Variants in TIMM22 observed in about 807,000 individuals in gnomAD.
The protein encoded by TIMM22 is translocase of inner mitochondrial membrane 22, also known as mitochondrial import inner membrane translocase subunit Tim22.
A neutral mutation model predicts 18.3 loss-of-function variants in TIMM22; 12 were observed. The observed-to-expected ratio is 0.65, with a 90% CI of 0.42 to 1.06. The LOEUF (loss-of-function observed/expected upper bound fraction) is 1.06. Among genes scored for constraint, TIMM22 ranks in the 50% least tolerant of loss-of-function variants. The pLI is 0.00. For synonymous variants in TIMM22, 107 were observed against 98.5 expected (o/e 1.09, Z -0.51); for missense variants, 278 against 252.8 (o/e 1.10, Z -0.68).
intron 1 of TIMM22, among the ~76,000 whole-genome samples, chr17:997,984 G>A (rs780810069): frequency 5.3e-5 from 8 of 152,238 alleles, no homozygotes; most frequent in Non-Finnish European, 1.2e-4. Flanking sequence ...ATGTGGAGAA[G>A]AATGTTGAGC....
At position 997,220 on chromosome 17, in the gene TIMM22, C is replaced by T. The variant is rs910760127; in HGVS notation, c.78C>T (p.Ser26=). ...AGSAEAPLQY[S]LLLQYLVGDK... is the part of the protein sequence containing the mutation. ...CCGCCGAAGCTCCGCTGCAGTACAG[C>T]CTGCTCCTGCAGTACCTGGTGGGTG... Residue 26 remains serine (S), a synonymous_variant, in exon 1 of 4, where the codon AGC becomes AGT. Transcript: ENST00000327158. 6.2e-7 allele frequency: 1 copy of T among 1,613,136 alleles called. No homozygotes were observed.
In TIMM22 at chr17:1,002,617, TTCA is replaced by T. The variant is rs1282582050; in HGVS notation, c.*1533_*1535del. On this transcript the variant is annotated 3_prime_UTR_variant, in exon 4 of 4. Transcript: ENST00000327158. ...CCTCCCAGTCTCACAGCTAGGAGGC[TTCA>T]TCACTGCTAGGCCAGTTGGAGCGTT... 6.6e-6 allele frequency: 1 copy of T among 152,234 alleles called. No homozygotes were observed. The highest frequency in any genetic ancestry group is 1.5e-5 in the Non-Finnish European group (1 of 68,042). The allele number at this position is 152,234 out of a possible 1,614,324, so 9.4% of individuals were successfully genotyped here.
intron 2 of TIMM22, 115 bp downstream of exon 2, chr17:999,090 G>A: frequency 9.3e-7 from 1 of 1,074,586 alleles, no homozygotes; most frequent in Non-Finnish European, 1.3e-6. Flanking sequence ...CAAATCAGAA[G>A]CATCAGATAC....
Position 997,175 on chromosome 17 carries a change from G to A in TIMM22, c.33G>A (p.Ser11=). 2 of 1,610,740 alleles carry A rather than the reference G, an allele frequency of 1.2e-6. No individual in the cohort carries two copies. Among genetic ancestry groups the A allele is most frequent in the South Asian group, 1.1e-5 (1 of 90,974 alleles). MAAAAPNAGG[S]APETAGSAEA... is the part of the protein sequence containing the mutation. ...CGGCCGCCCCCAATGCCGGAGGCTC[G>A]GCCCCTGAGACAGCGGGTTCCGCCG... is the stretch of plus-strand genomic sequence containing the variant. The change falls in exon 1 of 4, where the codon TCG becomes TCA. Residue 11 remains serine (S), a synonymous_variant. Transcript: ENST00000327158.
At position 999,778 on chromosome 17, in the gene TIMM22, A is replaced by G. The variant is rs534989174; in HGVS notation, c.508+194A>G. Among the ~76,000 whole-genome samples the G allele has an allele frequency of 3.3e-5, 5 of 152,244 alleles. No individual in the cohort carries two copies. The South Asian group carries it at 6.2e-4, about 19-fold the overall frequency. ...ATGAGGGTTTCCCATCGTTGGCACTACTGACATTTCGACCAGACGAATCTT... is the reference window on the plus strand; with the variant it reads ...ATGAGGGTTTCCCATCGTTGGCACTGCTGACATTTCGACCAGACGAATCTT... On this transcript the variant is annotated intron_variant, in intron 3 of 3. Transcript: ENST00000327158.
chr17:998,349 A>T (rs2069705880), intron 1 of TIMM22, among the ~76,000 whole-genome samples: 1 of 152,164 alleles, frequency 6.6e-6, no homozygotes, highest in African/African-American at 2.4e-5. Context: ...TAGAAAGGAG[A>T]GGCTAATAGC....
At position 997,365 on chromosome 17, in the gene TIMM22, C is replaced by G; in HGVS notation, c.223C>G (p.Leu75Val). Residue 75 changes from leucine to valine, a missense_variant, in exon 1 of 4, where the codon CTG becomes GTG. Coordinates refer to ENST00000327158, the MANE Select transcript of TIMM22 (RefSeq NM_013337.4). ...GGAAAGCTGCGCTTTCAAGGCTGCG[C>G]TGGCCTGCGTGGGAGGTGAGGCCGG... ...AMESCAFKAA[L>V]ACVGGFVLGG... 1 of 1,613,136 alleles carries G rather than the reference C, an allele frequency of 6.2e-7. No homozygotes were observed. Among genetic ancestry groups the G allele is most frequent in the Non-Finnish European group, 8.5e-7 (1 of 1,179,640 alleles).
In TIMM22 at chr17:997,368, G is replaced by T; in HGVS notation, c.226G>T (p.Ala76Ser). The change falls in exon 1 of 4, where the codon GCC (alanine) becomes TCC (serine). Residue 76 changes from alanine to serine, a missense_variant. By Grantham distance (99) the Ala-to-Ser change is moderately conservative. Transcript: ENST00000327158. ...MESCAFKAAL[A>S]CVGGFVLGGA... ...AAGCTGCGCTTTCAAGGCTGCGCTGGCCTGCGTGGGAGGTGAGGCCGGGCG... is the reference window on the plus strand; with the variant it reads ...AAGCTGCGCTTTCAAGGCTGCGCTGTCCTGCGTGGGAGGTGAGGCCGGGCG... 1 of 1,612,912 alleles carries T rather than the reference G, an allele frequency of 6.2e-7. No individual in the cohort carries two copies. Among genetic ancestry groups the T allele is most frequent in the Non-Finnish European group, 8.5e-7 (1 of 1,179,506 alleles).
Position 997,410 on chromosome 17 carries a change from G to T in TIMM22, c.238+30G>T, listed in dbSNP as rs185414080. The T allele has an allele frequency of 7.1e-4, 1,137 of 1,602,216 alleles. 8 individuals carry two copies. In the African/African-American group the frequency reaches 0.014, roughly 19 times the overall value. On this transcript the variant is annotated intron_variant, in intron 1 of 3. Transcript: ENST00000327158. ...GGCCGGGCGATGGGACCCTTGGGAG[G>T]CTGAGGGCCTGGACGGCAGTGGGGA...
chr17:999,350 T>G (rs192513576), intron 2 of TIMM22, among the ~76,000 whole-genome samples, 162 bp from the exon 3 acceptor site: 7 of 126,728 alleles, frequency 5.5e-5, no homozygotes, highest in South Asian at 2.4e-4. Flanking sequence ...TATATATATA[T>G]ATATATATAC....
In TIMM22 at chr17:997,136, G is replaced by C. The variant is rs543217051; in HGVS notation, c.-7G>C. 9 of 1,608,154 alleles carry C rather than the reference G, an allele frequency of 5.6e-6. No homozygotes were observed. In the East Asian group the frequency reaches 1.6e-4, roughly 28 times the overall value. On this transcript the variant is annotated 5_prime_UTR_variant, in exon 1 of 4. Transcript: ENST00000327158. The stretch of plus-strand genomic sequence containing the variant: ...AGGACGCGAGGGTTGCTTGGGCAGC[G>C]ACTGTCATGGCGGCGGCCGCCCCCA...
intron 2 of TIMM22, among the ~76,000 whole-genome samples, 154 bp from the exon 3 acceptor site, chr17:999,358 T>TATATATATATATATACATACAC (rs1408779709): frequency 3.8e-5 from 5 of 132,604 alleles, no homozygotes; most frequent in Admixed American, 1.5e-4. Flanking sequence ...TATATATATA[T>TATATATATATATATACATACAC]ACACGCTGTA....
intron 3 of TIMM22, among the ~76,000 whole-genome samples, chr17:1,000,232 A>C (rs1203521784): frequency 6.6e-6 from 1 of 152,018 alleles, no homozygotes; most frequent in East Asian, 1.9e-4. Context: ...TTTTAGATAT[A>C]AATTATAATG....
rs1307854902 is a variant in TIMM22, at chr17:1,003,533, A to G, written c.*2445A>G. ...CACCACAGGGCTGAGTTTTGTGCAAATGATGGGGCTTTGCATTTTTTATTA... is the reference window on the plus strand; with the variant it reads ...CACCACAGGGCTGAGTTTTGTGCAAGTGATGGGGCTTTGCATTTTTTATTA... On this transcript the variant is annotated 3_prime_UTR_variant, in exon 4 of 4. Coordinates refer to ENST00000327158, the MANE Select transcript of TIMM22 (RefSeq NM_013337.4). The G allele has an allele frequency of 1.3e-5, 2 of 152,658 alleles. No homozygotes were observed. Among genetic ancestry groups the G allele is most frequent in the Non-Finnish European group, 2.9e-5 (2 of 68,044 alleles). 9.5% of individuals were successfully genotyped at this position (152,658 alleles called of 1,614,324 possible).
intron 1 of TIMM22, among the ~76,000 whole-genome samples, chr17:998,090 AT>A (rs1399553625): frequency 6.6e-6 from 1 of 152,232 alleles, no homozygotes; most frequent in Non-Finnish European, 1.5e-5. Context: ...CTGAAAGACC[AT>A]TGTGACTAGA....
intron 3 of TIMM22, among the ~76,000 whole-genome samples, 166 bp from the exon 4 acceptor site, chr17:1,000,846 A>G (rs1386534913): frequency 2.0e-5 from 3 of 152,240 alleles, no homozygotes; most frequent in Non-Finnish European, 4.4e-5. Flanking sequence ...GCACTGGATT[A>G]GATCATATAC....
chr17:999,824 T>C (rs2069725018), intron 3 of TIMM22, among the ~76,000 whole-genome samples: 1 of 152,186 alleles, frequency 6.6e-6, no homozygotes, highest in Admixed American at 6.5e-5. Flanking sequence ...GGGTCTGTTT[T>C]GTGCATTCTA....
Position 1,001,706 on chromosome 17 carries a change from C to T in TIMM22, c.*618C>T, listed in dbSNP as rs1192202037. 1 of 152,690 alleles carries T rather than the reference C, an allele frequency of 6.5e-6. No individual in the cohort carries two copies. The allele number at this position is 152,690 out of a possible 1,614,324, so 9.5% of individuals were successfully genotyped here. Reference sequence around the variant, plus strand: ...ATAGTGCCGGGTGGCCCAAAGATAACATCTGAAGGGAAAGAATGAGAAAGC... The same window carrying T: ...ATAGTGCCGGGTGGCCCAAAGATAATATCTGAAGGGAAAGAATGAGAAAGC... On this transcript the variant is annotated 3_prime_UTR_variant, in exon 4 of 4. Coordinates refer to ENST00000327158, the MANE Select transcript of TIMM22 (RefSeq NM_013337.4).
chr17:1,002,385 C>CATCT lies in TIMM22; in HGVS notation c.*1298_*1301dup, dbSNP rs1175754061. Reference sequence around the variant, plus strand: ...TCCTTTCCTTTTTTGCCTTCTTCCTCATCTGCCCTGTCTTCTGGCCCACAC... The same window carrying CATCT: ...TCCTTTCCTTTTTTGCCTTCTTCCTCATCTATCTGCCCTGTCTTCTGGCCCACAC... On this transcript the variant is annotated 3_prime_UTR_variant, in exon 4 of 4. Coordinates refer to ENST00000327158, the MANE Select transcript of TIMM22 (RefSeq NM_013337.4). 6.6e-6 allele frequency: 1 copy of CATCT among 152,332 alleles called. No individual in the cohort carries two copies. Among genetic ancestry groups the CATCT allele is most frequent in the Non-Finnish European group, 1.5e-5 (1 of 68,140 alleles). 9.4% of individuals were successfully genotyped at this position (152,332 alleles called of 1,614,324 possible).
Sources: allele counts gnomAD v4.1 joint callset (sites outside exome capture counted in the v4.1 genomes callset), GRCh38; gene constraint gnomAD v4.1.1; transcripts MANE v1.5; gene names NCBI Gene and HGNC (gene_info 2026-07-23, HGNC 2026-07-21).